The following DNM3 variants were observed in gnomAD, a reference collection of about 807,000 sequenced individuals.
The protein encoded by DNM3 is dynamin 3.
DNM3 carries 47 observed loss-of-function variants against 101.6 expected under a neutral mutation model. The ratio of observed to expected loss-of-function variants is 0.46; its 90% confidence interval spans 0.37 to 0.59. The LOEUF (loss-of-function observed/expected upper bound fraction) is 0.59. Ranked by LOEUF, DNM3 falls within the 20% of genes least tolerant of loss-of-function variation. The pLI, the probability that DNM3 is intolerant of heterozygous loss-of-function variation, is 0.00. For synonymous variants in DNM3, 385 were observed against 387.9 expected (o/e 0.99, Z 0.09); for missense variants, 849 against 1,085.7 (o/e 0.78, Z 3.06).
chr1:172,276,100 C>T (rs936249660), intron 15 of DNM3, among the ~76,000 whole-genome samples: 1 of 151,974 alleles, frequency 6.6e-6, no homozygotes, highest in African/African-American at 2.4e-5. Context: ...GCAAGCCTCC[C>T]CCCATTTCCA....
At chr1:171,895,756 G>A (rs1164139516) in intron 1 of DNM3, among the ~76,000 whole-genome samples, 4 of 151,988 alleles carry the variant, frequency 2.6e-5, no homozygotes. Flanking sequence ...TTCTTCTAGG[G>A]TTTTTATGGT....
chr1:172,156,547 A>G (rs183612383), intron 14 of DNM3, among the ~76,000 whole-genome samples: 41 of 152,116 alleles, frequency 2.7e-4, no homozygotes, highest in Admixed American at 2.6e-3. Flanking sequence ...TGGGTTCCCT[A>G]CTTTTTTTCG....
At chr1:171,902,890 T>C (rs757874025) in intron 1 of DNM3, among the ~76,000 whole-genome samples, 1 of 152,192 alleles carries the variant, frequency 6.6e-6, no homozygotes, top group African/African-American at 2.4e-5. Context: ...TGAACTCTCA[T>C]GTCTGTAATC....
intron 14 of DNM3, among the ~76,000 whole-genome samples, chr1:172,236,505 A>G (rs930806689): frequency 6.6e-6 from 1 of 152,120 alleles, no homozygotes; most frequent in East Asian, 1.9e-4. Context: ...GCGATTTATC[A>G]TTGTATATAA....
intron 15 of DNM3, among the ~76,000 whole-genome samples, chr1:172,259,157 G>A (rs917926133): frequency 6.6e-6 from 1 of 151,774 alleles, no homozygotes; most frequent in Admixed American, 6.6e-5. Flanking sequence ...GATTTGTTTT[G>A]TGTCCTACTA....
intron 2 of DNM3, among the ~76,000 whole-genome samples, chr1:171,950,947 C>CTCCTTCTCCTCCTCT (rs2042483163): frequency 6.6e-6 from 1 of 152,078 alleles, no homozygotes; most frequent in Admixed American, 6.6e-5. Context: ...CCTCCTCCTC[C>CTCCTTCTCCTCCTCT]TCCTTCTCCT....
intron 15 of DNM3, among the ~76,000 whole-genome samples, chr1:172,305,980 G>A (rs2064789995): frequency 6.6e-6 from 1 of 152,204 alleles, no homozygotes. Flanking sequence ...ACAAGACAGG[G>A]ATGCCCTCTC....
intron 17 of DNM3, chr1:172,378,310 G>C (rs1414454865): frequency 1.3e-5 from 2 of 152,052 alleles, no homozygotes; most frequent in Non-Finnish European, 2.9e-5. Flanking sequence ...ATAGGAAACA[G>C]ATGCTTTTCT....
rs1273672620 is a variant in DNM3 at position 172,366,520 on chromosome 1, A to G, written c.1894-12498A>G. 4 of 151,948 alleles carry G rather than the reference A, an allele frequency of 2.6e-5. No homozygotes were observed. The South Asian group carries it at 8.3e-4, about 31-fold the overall frequency. The allele number at this position is 151,948 out of a possible 1,614,324, so 9.4% of individuals were successfully genotyped here. ...TAGCTGAATGTCTGGAAAACCTACA[A>G]GTTAGAAAATCATTCATGGGTGCTC... is the stretch of plus-strand genomic sequence containing the variant. On this transcript the variant is annotated intron_variant, in intron 17 of 20. Transcript: ENST00000627582.
chr1:172,183,452 A>C (rs1035277199), intron 14 of DNM3, among the ~76,000 whole-genome samples: 2 of 152,142 alleles, frequency 1.3e-5, no homozygotes, highest in Non-Finnish European at 2.9e-5. Flanking sequence ...TATAAGGAAA[A>C]TACAGTGATT....
chr1:172,104,831 A>G (rs2054896217), intron 13 of DNM3, among the ~76,000 whole-genome samples: 1 of 152,190 alleles, frequency 6.6e-6, no homozygotes, highest in African/African-American at 2.4e-5. Context: ...GTCATGGCAC[A>G]TGGTAGGAGG....
chr1:172,116,136 A>G (rs766102561), intron 13 of DNM3, among the ~76,000 whole-genome samples: 3 of 152,216 alleles, frequency 2.0e-5, no homozygotes, highest in Non-Finnish European at 4.4e-5. Flanking sequence ...TTAATGAAAT[A>G]TCAGTTCTTT....
intron 2 of DNM3, among the ~76,000 whole-genome samples, chr1:171,939,551 G>A (rs1437971054): frequency 2.6e-5 from 4 of 152,218 alleles, no homozygotes; most frequent in East Asian, 1.9e-4. Flanking sequence ...AAAAGAGATC[G>A]GATGGAAGAA....
chr1:172,372,143 C>T (rs561901970), intron 17 of DNM3, among the ~76,000 whole-genome samples: 1 of 142,168 alleles, frequency 7.0e-6, no homozygotes, highest in East Asian at 2.1e-4. Context: ...TCAATTCCCA[C>T]CTAGGAGTGA....
At chr1:172,298,857 GAA>G (rs2064291544) in intron 15 of DNM3, among the ~76,000 whole-genome samples, 9 of 134,502 alleles carry the variant, frequency 6.7e-5, no homozygotes, top group African/African-American at 1.7e-4. Context: ...AAGAAAGAAA[GAA>G]AGAGAGAGAG....
chr1:172,019,009 CCCCCTCCCTTCCT>C (rs1314559818), intron 4 of DNM3, among the ~76,000 whole-genome samples: 1 of 117,816 alleles, frequency 8.5e-6, no homozygotes, highest in African/African-American at 3.4e-5. Context: ...CCTTCCTTCG[CCCCCTCCCTTCCT>C]CCCTCCCTTC....
At chr1:172,358,395 T>C (rs960577717) in intron 17 of DNM3, among the ~76,000 whole-genome samples, 6 of 152,118 alleles carry the variant, frequency 3.9e-5, no homozygotes, top group Non-Finnish European at 5.9e-5. Flanking sequence ...AAGAGCGGGT[T>C]ATTTTGTTTA....
intron 1 of DNM3, among the ~76,000 whole-genome samples, chr1:171,908,613 C>T (rs1191728632): frequency 6.6e-6 from 1 of 151,550 alleles, no homozygotes. Context: ...GAATAATATT[C>T]AATAATAAAA....
intron 2 of DNM3, among the ~76,000 whole-genome samples, chr1:171,962,584 T>G (rs1297016111): frequency 1.3e-5 from 2 of 152,132 alleles, no homozygotes; most frequent in Non-Finnish European, 2.9e-5. Flanking sequence ...CCCCTCTTTC[T>G]GGCATACAGA....
Sources: allele counts gnomAD v4.1 joint callset (sites outside exome capture counted in the v4.1 genomes callset), GRCh38; gene constraint gnomAD v4.1.1; transcripts MANE v1.5; gene names NCBI Gene and HGNC (gene_info 2026-07-23, HGNC 2026-07-21).